GLRA3: variants seen among roughly 807,000 people sequenced by gnomAD.
GLRA3 encodes the protein glycine receptor subunit alpha-3.
Under a neutral mutation model 60.4 loss-of-function variants are expected in GLRA3, and 44 were observed. The ratio of observed to expected loss-of-function variants is 0.73; its 90% CI spans 0.57 to 0.94. The LOEUF (loss-of-function observed/expected upper bound fraction) is 0.94, where lower values mean the gene tolerates loss of function less well. GLRA3 is among the 40% of genes least tolerant of loss of function. The probability of loss-of-function intolerance (pLI) is 0.00; values close to 1 mark genes in which losing one functional copy is unlikely to be tolerated. For missense variants in GLRA3, 508 were observed against 564.6 expected (o/e 0.90, Z 1.02); for synonymous variants, 223 against 192.9 (o/e 1.16, Z -1.29).
chr4:174,679,787 T>C (rs1044731560), intron 6 of GLRA3, among the ~76,000 whole-genome samples: 7 of 152,192 alleles, frequency 4.6e-5, no homozygotes, highest in African/African-American at 1.7e-4. Context: ...CACATATTAT[T>C]ATTCACATGT....
chr4:174,806,026 G>A (rs1740035934), intron 1 of GLRA3, among the ~76,000 whole-genome samples: 1 of 152,040 alleles, frequency 6.6e-6, no homozygotes, highest in Non-Finnish European at 1.5e-5. Context: ...AGAGAAAAGA[G>A]GTCTTCCTTG....
intron 1 of GLRA3, among the ~76,000 whole-genome samples, chr4:174,810,519 C>T (rs993969505): frequency 1.3e-5 from 2 of 151,702 alleles, no homozygotes; most frequent in African/African-American, 4.8e-5. Context: ...TGGAAAGAAA[C>T]ATATTAAATG....
At chr4:174,671,947 A>C (rs1733924677) in intron 7 of GLRA3, among the ~76,000 whole-genome samples, 2 of 152,124 alleles carry the variant, frequency 1.3e-5, no homozygotes, top group African/African-American at 4.8e-5. Flanking sequence ...CACCGTGCCC[A>C]GACGCTATCT....
chr4:174,739,210 A>G (rs1736914330), intron 3 of GLRA3, among the ~76,000 whole-genome samples: 1 of 152,340 alleles, frequency 6.6e-6, no homozygotes, highest in South Asian at 2.1e-4. Flanking sequence ...GGTAGCAAGA[A>G]GTAGGTTGCA....
intron 9 of GLRA3, among the ~76,000 whole-genome samples, chr4:174,652,238 A>G (rs1028681532): frequency 2.6e-5 from 4 of 152,068 alleles, no homozygotes; most frequent in African/African-American, 9.7e-5. Flanking sequence ...TTTTTTTGAG[A>G]TAATTTAATT....
At chr4:174,711,006 G>A (rs1349698613) in intron 5 of GLRA3, among the ~76,000 whole-genome samples, 1 of 151,734 alleles carries the variant, frequency 6.6e-6, no homozygotes, top group African/African-American at 2.4e-5. Context: ...TTAACATCAA[G>A]TTTTTCTTAA....
chr4:174,692,347 C>T (rs574624462), intron 5 of GLRA3, among the ~76,000 whole-genome samples: 48 of 146,698 alleles, frequency 3.3e-4, no homozygotes, highest in African/African-American at 9.9e-4. Flanking sequence ...GGCCAGCCGC[C>T]ACGTCCGGGA....
At chr4:174,680,218 C>T (rs926487345) in intron 6 of GLRA3, among the ~76,000 whole-genome samples, 1 of 152,022 alleles carries the variant, frequency 6.6e-6, no homozygotes, top group African/African-American at 2.4e-5. Context: ...CAAATATACA[C>T]CATTGCTTGT....
intron 5 of GLRA3, among the ~76,000 whole-genome samples, chr4:174,692,749 G>T (rs559278091): frequency 6.6e-6 from 1 of 151,562 alleles, no homozygotes; most frequent in South Asian, 2.1e-4. Flanking sequence ...CAGCATGCTC[G>T]TTAAGAGTCA....
Position 174,828,877 on chromosome 4 carries a change from G to T in GLRA3, c.-66C>A, listed in dbSNP as rs1401215931. ...CAAGGCATGGGGAACCAGAAAGACAGAATGAAAATGTACAATCTAACCCCG... is the reference window on the plus strand; with the variant it reads ...CAAGGCATGGGGAACCAGAAAGACATAATGAAAATGTACAATCTAACCCCG... On this transcript the variant is annotated 5_prime_UTR_variant, in exon 1 of 10. The change creates a new upstream start codon in the 5' untranslated region. Transcript: ENST00000274093. 20 of 1,087,650 alleles carry T rather than the reference G, an allele frequency of 1.8e-5. No homozygotes were observed. Among genetic ancestry groups the T allele is most frequent in the South Asian group, 6.3e-5 (5 of 79,852 alleles). The allele number at this position is 1,087,650 out of a possible 1,614,324, so 67.4% of individuals were successfully genotyped here.
intron 1 of GLRA3, among the ~76,000 whole-genome samples, chr4:174,826,871 T>G (rs945118613): frequency 2.1e-5 from 2 of 95,274 alleles, no homozygotes; most frequent in African/African-American, 7.3e-5. Flanking sequence ...TAGAGGGAGC[T>G]TCCTTTTTTT....
At chr4:174,804,040 G>A (rs78616456) in intron 1 of GLRA3, among the ~76,000 whole-genome samples, 1,921 of 152,230 alleles carry the variant, frequency 0.013, 51 homozygotes, top group African/African-American at 0.044. Context: ...ATTTAAAGTA[G>A]TCTGGGGTTT....
At chr4:174,756,675 C>G (rs1170217302) in intron 3 of GLRA3, among the ~76,000 whole-genome samples, 2 of 145,614 alleles carry the variant, frequency 1.4e-5, no homozygotes, top group Non-Finnish European at 3.0e-5. Flanking sequence ...GACAGAGTCT[C>G]GCTCTTTTGC....
At chr4:174,708,268 A>C (rs1288436580) in intron 5 of GLRA3, among the ~76,000 whole-genome samples, 1 of 152,168 alleles carries the variant, frequency 6.6e-6, no homozygotes, top group African/African-American at 2.4e-5. Flanking sequence ...TTTAGCATAA[A>C]TTCCAGAGTA....
At chr4:174,807,518 A>G (rs2111358644) in intron 1 of GLRA3, among the ~76,000 whole-genome samples, 1 of 152,218 alleles carries the variant, frequency 6.6e-6, no homozygotes, top group Non-Finnish European at 1.5e-5. Context: ...TGATAAAAAC[A>G]GGTATTGTCA....
intron 5 of GLRA3, among the ~76,000 whole-genome samples, chr4:174,706,185 A>G (rs535943171): frequency 4.3e-4 from 66 of 151,960 alleles, no homozygotes; most frequent in African/African-American, 7.5e-4. Context: ...AGCCGAGTTC[A>G]CGCCACTGCA....
At chr4:174,663,786 C>A (rs116823670) in intron 7 of GLRA3, among the ~76,000 whole-genome samples, 1 of 152,116 alleles carries the variant, frequency 6.6e-6, no homozygotes, top group Non-Finnish European at 1.5e-5. Flanking sequence ...TGACACACAG[C>A]GCACTCCCCA....
chr4:174,711,144 T>A (rs190356729), intron 5 of GLRA3, among the ~76,000 whole-genome samples: 25 of 152,090 alleles, frequency 1.6e-4, no homozygotes, highest in Non-Finnish European at 3.5e-4. Context: ...TATTGGTTTC[T>A]AATTTTATTG....
At position 174,640,514 on chromosome 4, in the gene GLRA3, T is replaced by A. The variant is rs1233639323; in HGVS notation, c.*3272A>T. 2 of 152,048 alleles carry A rather than the reference T, an allele frequency of 1.3e-5. No homozygotes were observed. Among genetic ancestry groups the A allele is most frequent in the African/African-American group, 4.8e-5 (2 of 41,428 alleles). 9.4% of individuals were successfully genotyped at this position (152,048 alleles called of 1,614,324 possible). A position where few individuals can be genotyped will look rare whatever the true frequency, so the allele number is the denominator to read the frequency against. On this transcript the variant is annotated 3_prime_UTR_variant, in exon 10 of 10. Coordinates refer to ENST00000274093, the MANE Select transcript of GLRA3 (RefSeq NM_006529.4). ...ATATTTTAAAAAGTGGAATAAAAAA[T>A]GTTCAGAAAAAGGGATGTATAGTAT...
Sources: gnomAD v4.1 joint callset for allele counts (sites outside exome capture counted in the v4.1 genomes callset) on GRCh38, gnomAD v4.1.1 for gene constraint, MANE v1.5 for transcripts, NCBI Gene and HGNC (gene_info 2026-07-23, HGNC 2026-07-21) for gene names.